The following ABCC11 variants were observed in gnomAD, a reference collection of about 807,000 sequenced individuals.
ABCC11 encodes ATP-binding cassette sub-family C member 11.
A neutral mutation model predicts 149.3 loss-of-function variants in ABCC11; 135 were observed. That is an observed-to-expected ratio of 0.90 (90% CI 0.79 to 1.04). The LOEUF is 1.04. ABCC11 is among the 50% of genes least tolerant of loss of function. The probability of loss-of-function intolerance (pLI) is 0.00; values close to 1 mark genes in which losing one functional copy is unlikely to be tolerated. For missense variants in ABCC11, 1,680 were observed against 1,722.1 expected, an observed-to-expected ratio of 0.98 and a Z score of 0.43; for synonymous variants, 665 against 671.4, an observed-to-expected ratio of 0.99 and a Z score of 0.15.
chr16:48,191,927 T>C (rs1462267204), intron 20 of ABCC11, among the ~76,000 whole-genome samples: 2 of 152,016 alleles, frequency 1.3e-5, no homozygotes, highest in African/African-American at 2.4e-5. Flanking sequence ...CATGTATACA[T>C]ATGTAACTAA....
At position 48,215,270 on chromosome 16, in the gene ABCC11, G is replaced by A. The variant is rs1969247748; in HGVS notation, c.1026C>T (p.Thr342=). 1 of 1,614,148 alleles carries A rather than the reference G, an allele frequency of 6.2e-7. No homozygotes were observed. The change falls in exon 8 of 30, where the codon ACC becomes ACT. Residue 342 remains threonine, a synonymous_variant. Coordinates refer to ENST00000356608, the MANE Select transcript of ABCC11 (RefSeq NM_001370497.1). ...GCTTAATGCAAGTGAGAACTTCACT[G>A]GTCACACGGATGCGCTGGTCGCTGA... ...SEVSDQRIRV[T]SEVLTCIKLI...
At chr16:48,173,394 TA>T (rs1192329929) in intron 26 of ABCC11, among the ~76,000 whole-genome samples, 2 of 152,158 alleles carry the variant, frequency 1.3e-5, no homozygotes, top group Non-Finnish European at 2.9e-5. Context: ...CCTTCATCTG[TA>T]AAATGGGGAT....
At chr16:48,192,203 G>C (rs1255695466) in intron 20 of ABCC11, among the ~76,000 whole-genome samples, 11 of 152,066 alleles carry the variant, frequency 7.2e-5, no homozygotes, top group Admixed American at 2.0e-4. Flanking sequence ...CAGCACTTTG[G>C]GGGGCCGAGG....
Position 48,177,109 on chromosome 16 carries a change from C to A in ABCC11, c.3353G>T (p.Cys1118Phe), listed in dbSNP as rs1283201856. 1.2e-6 allele frequency: 2 copies of A among 1,611,992 alleles called. No individual in the cohort carries two copies. Among genetic ancestry groups the A allele is most frequent in the Admixed American group, 3.4e-5 (2 of 59,464 alleles). The change falls in exon 25 of 30, where the codon TGT becomes TTT. Residue 1118 changes from cysteine (C) to phenylalanine (F), a missense_variant. By Grantham distance (205) the Cys-to-Phe change is radical. Transcript: ENST00000356608. ...VERILQYMKM[C>F]VSEAPLHMEG... Reference sequence around the variant, plus strand: ...CATGTGTAAAGGAGCTTCCGAGACACACATCTTGTTTTTGAAGAAAGAAAA... The same window carrying A: ...CATGTGTAAAGGAGCTTCCGAGACAAACATCTTGTTTTTGAAGAAAGAAAA...
chr16:48,198,174 T>G lies in ABCC11; in HGVS notation c.2184A>C (p.Gln728His). ...CTTCCTTGTGCATCTTCTGGATAAG[T>G]TGGGCATATTTCCCCTTTTTCTGCA... is the stretch of plus-strand genomic sequence containing the variant. ...ELMQKKGKYA[Q>H]LIQKMHKEAT... Residue 728 changes from glutamine (Q) to histidine (H), a missense_variant, in exon 16 of 30, where the codon CAA becomes CAC. By Grantham distance (24) the Gln-to-His change is conservative (BLOSUM62 0). Coordinates refer to ENST00000356608, the MANE Select transcript of ABCC11 (RefSeq NM_001370497.1). The G allele has an allele frequency of 6.2e-7, 1 of 1,614,204 alleles. No individual in the cohort carries two copies. Among genetic ancestry groups the G allele is most frequent in the Non-Finnish European group, 8.5e-7 (1 of 1,180,034 alleles).
Position 48,216,230 on chromosome 16 carries a change from G to C in ABCC11, c.835C>G (p.Pro279Ala), listed in dbSNP as rs1272261945. ...GATGCGCAGGTGATCAGTACTAGGG[G>C]TCCATAGCACACCCCTTCAAACAGG... The part of the protein sequence containing the change: ...NYLFEGVCYG[P>A]LVLITCASLV... Residue 279 changes from proline to alanine, a missense_variant, in exon 7 of 30, where the codon CCC becomes GCC. Pro to Ala is a conservative substitution (Grantham distance 27). Coordinates refer to ENST00000356608, the MANE Select transcript of ABCC11 (RefSeq NM_001370497.1). 1.9e-6 allele frequency: 3 copies of C among 1,614,110 alleles called. No individual in the cohort carries two copies. Among genetic ancestry groups the C allele is most frequent in the Non-Finnish European group, 2.5e-6 (3 of 1,180,004 alleles).
At chr16:48,241,398 C>T (rs760496071) in intron 1 of ABCC11, among the ~76,000 whole-genome samples, 33 of 152,204 alleles carry the variant, frequency 2.2e-4, no homozygotes, top group Non-Finnish European at 3.1e-4. Context: ...TAAAAGAGGA[C>T]ACAAACAAAT....
chr16:48,182,732 G>A (rs540280086), intron 23 of ABCC11, among the ~76,000 whole-genome samples: 3 of 149,610 alleles, frequency 2.0e-5, no homozygotes, highest in South Asian at 2.1e-4. Flanking sequence ...GCAGTGAGCC[G>A]AGATCGCATC....
In ABCC11 at chr16:48,216,176, A is replaced by G. The variant is rs1280362085; in HGVS notation, c.889T>C (p.Phe297Leu). Residue 297 changes from phenylalanine (F) to leucine (L), a missense_variant, in exon 7 of 30, where the codon TTC becomes CTC. Phe to Leu is a conservative substitution (Grantham distance 22, BLOSUM62 0). Coordinates refer to ENST00000356608, the MANE Select transcript of ABCC11 (RefSeq NM_001370497.1). ...ATAAATGCAGTGTATCCAATAATGAAGTAGGAAGAAATGCTGCAGATGACC... is the reference window on the plus strand; with the variant it reads ...ATAAATGCAGTGTATCCAATAATGAGGTAGGAAGAAATGCTGCAGATGACC... ...SLVICSISSY[F>L]IIGYTAFIAI... 1.9e-6 allele frequency: 3 copies of G among 1,614,218 alleles called. No homozygotes were observed. The South Asian group carries it at 3.3e-5, about 18-fold the overall frequency.
intron 1 of ABCC11, among the ~76,000 whole-genome samples, chr16:48,236,170 C>T (rs1048658987): frequency 6.6e-6 from 1 of 152,222 alleles, no homozygotes; most frequent in Non-Finnish European, 1.5e-5. Flanking sequence ...TTCAGGAGGG[C>T]ATCTTGTTGC....
At chr16:48,192,843 T>C in intron 19 of ABCC11, 126 bp from the exon 20 acceptor site, 4 of 925,286 alleles carry the variant, frequency 4.3e-6, no homozygotes, top group Non-Finnish European at 6.8e-6. Flanking sequence ...TGCCCAAACC[T>C]CCCTGCTCAG....
At chr16:48,217,831 T>C (rs1184370584) in intron 6 of ABCC11, among the ~76,000 whole-genome samples, 2 of 151,990 alleles carry the variant, frequency 1.3e-5, no homozygotes, top group East Asian at 3.8e-4. Flanking sequence ...AATTTTAAAG[T>C]ATCTTTTAAG....
intron 14 of ABCC11, among the ~76,000 whole-genome samples, chr16:48,201,030 C>T (rs1967924511): frequency 6.6e-6 from 1 of 152,036 alleles, no homozygotes; most frequent in African/African-American, 2.4e-5. Context: ...AAATATTTTT[C>T]AAAACGTGGT....
intron 26 of ABCC11, among the ~76,000 whole-genome samples, chr16:48,174,644 TACCA>T (rs1965922770): frequency 6.6e-6 from 1 of 151,002 alleles, no homozygotes; most frequent in Non-Finnish European, 1.5e-5. Context: ...CCAGAATGTG[TACCA>T]TTGAAGAAGC....
chr16:48,183,296 G>A (rs1448034391), intron 23 of ABCC11, among the ~76,000 whole-genome samples: 1 of 152,190 alleles, frequency 6.6e-6, no homozygotes, highest in East Asian at 1.9e-4. Flanking sequence ...CAGGCCTTGG[G>A]GCCTTCACGG....
chr16:48,185,443 C>T (rs1418162650), intron 22 of ABCC11, among the ~76,000 whole-genome samples: 1 of 152,134 alleles, frequency 6.6e-6, no homozygotes, highest in African/African-American at 2.4e-5. Context: ...CACAGTTTTC[C>T]ATGTCAATCA....
chr16:48,192,708 T>C lies in ABCC11; in HGVS notation c.2518A>G (p.Ser840Gly). ...WLEQGSGTNS[S>G]RESNGTMADL... ...GCCATGGTTCCATTGCTCTCTCGGC[T>C]GCTATTGGTCTTCAAGAAAGAACAG... Residue 840 changes from serine (S) to glycine (G), a missense_variant, in exon 20 of 30, where the codon AGC becomes GGC. Physicochemically the swap from Ser to Gly is moderately conservative, Grantham distance 56. Coordinates refer to ENST00000356608, the MANE Select transcript of ABCC11 (RefSeq NM_001370497.1). 6.2e-7 allele frequency: 1 copy of C among 1,614,194 alleles called. No homozygotes were observed. The highest frequency in any genetic ancestry group is 8.5e-7 in the Non-Finnish European group (1 of 1,180,024).
In ABCC11 at chr16:48,166,217, C is replaced by A. The variant is rs1965330795; in HGVS notation, c.*1057G>T. ...TGGCAAATCACAGTATGCCAACAGCCTAGCACATGATTGATCAGGAACAAG... is the reference window on the plus strand; with the variant it reads ...TGGCAAATCACAGTATGCCAACAGCATAGCACATGATTGATCAGGAACAAG... On this transcript the variant is annotated 3_prime_UTR_variant, in exon 30 of 30. Coordinates refer to ENST00000356608, the MANE Select transcript of ABCC11 (RefSeq NM_001370497.1). Among the ~76,000 whole-genome samples, 2 of 152,182 alleles carry A rather than the reference C, an allele frequency of 1.3e-5. No homozygotes were observed. The highest frequency in any genetic ancestry group is 2.9e-5 in the Non-Finnish European group (2 of 68,044).
At chr16:48,203,118 A>G in intron 14 of ABCC11, 110 bp downstream of exon 14, 1 of 1,232,766 alleles carries the variant, frequency 8.1e-7, no homozygotes. Flanking sequence ...GAAAAACTCC[A>G]ACTGCTTTGG....
Sources: allele counts gnomAD v4.1 joint callset (sites outside exome capture counted in the v4.1 genomes callset), GRCh38; gene constraint gnomAD v4.1.1; transcripts MANE v1.5; gene names NCBI Gene and HGNC (gene_info 2026-07-23, HGNC 2026-07-21).